The following JRKL variants were observed in gnomAD, a reference collection of about 807,000 sequenced individuals.
The protein encoded by JRKL is JRK like, also known as jerky protein homolog-like.
Under a neutral mutation model 34.7 loss-of-function variants are expected in JRKL, and 25 were observed. That is an observed-to-expected ratio of 0.72 (90% CI 0.53 to 1.01). JRKL has a LOEUF of 1.01. Among genes scored for constraint, JRKL ranks in the 50% least tolerant of loss-of-function variants. The probability of loss-of-function intolerance (pLI) is 0.00; values close to 1 mark genes in which losing one functional copy is unlikely to be tolerated. For synonymous variants in JRKL, 204 were observed against 212.8 expected, an observed-to-expected ratio of 0.96 and a Z score of 0.36; for missense variants, 495 against 615.7, an observed-to-expected ratio of 0.80 and a Z score of 2.07.
In JRKL at chr11:96,391,369, T is replaced by G. The variant is rs1404328662; in HGVS notation, c.720T>G (p.Thr240=). 6.4e-7 allele frequency: 1 copy of G among 1,551,692 alleles called. No individual in the cohort carries two copies. The highest frequency in any genetic ancestry group is 1.4e-5 in the African/African-American group (1 of 73,168). Residue 240 remains threonine (T), a synonymous_variant, in exon 2 of 2, where the codon ACT becomes ACG. Coordinates refer to ENST00000332349, the MANE Select transcript of JRKL (RefSeq NM_001261833.2). ...AGAAACCTCGCTCCTTTAAATCAAC[T>G]GACACCTTAAACCTGCCAGTCTCTT... ...KAKKPRSFKS[T]DTLNLPVSYF...
rs1244407199 is a variant in JRKL at position 96,392,634 on chromosome 11, G to T, written c.*410G>T. 5 of 169,440 alleles carry T rather than the reference G, an allele frequency of 3.0e-5. No individual in the cohort carries two copies. Among genetic ancestry groups the T allele is most frequent in the African/African-American group, 1.2e-4 (5 of 41,402 alleles). The allele number at this position is 169,440 out of a possible 1,614,324, so 10.5% of individuals were successfully genotyped here. On this transcript the variant is annotated 3_prime_UTR_variant, in exon 2 of 2. Transcript: ENST00000332349. ...TGTTAACCATCTTAAATGATGTTTTGTATATTTTAATAGACTGATAGGATG... is the reference window on the plus strand; with the variant it reads ...TGTTAACCATCTTAAATGATGTTTTTTATATTTTAATAGACTGATAGGATG...
chr11:96,390,776 C>A lies in JRKL; in HGVS notation c.127C>A (p.Arg43=), dbSNP rs1293799974. 2.5e-6 allele frequency: 4 copies of A among 1,613,520 alleles called. No homozygotes were observed. Among genetic ancestry groups the A allele is most frequent in the East Asian group, 2.2e-5 (1 of 44,884 alleles). ...VIYGIGETTV[R]DIRKNKEKII... ...TTATGGAATTGGTGAAACAACAGTT[C>A]GGGATATAAGAAAAAATAAGGAAAA... Residue 43 remains arginine (R), a synonymous_variant, in exon 2 of 2, where the codon CGG becomes AGG. Coordinates refer to ENST00000332349, the MANE Select transcript of JRKL (RefSeq NM_001261833.2).
Position 96,391,905 on chromosome 11 carries a change from G to A in JRKL, c.1256G>A (p.Gly419Glu). 4 of 1,614,190 alleles carry A rather than the reference G, an allele frequency of 2.5e-6. No homozygotes were observed. Among genetic ancestry groups the A allele is most frequent in the Non-Finnish European group, 3.4e-6 (4 of 1,180,028 alleles). The change falls in exon 2 of 2, where the codon GGA becomes GAA. Residue 419 changes from glycine to glutamate, a missense_variant. Transcript: ENST00000332349. ...TVAAILQHTK[G>E]LENVTTENLE... ...GCTGCCATTTTACAACACACCAAAG[G>A]ATTGGAAAATGTGACTACTGAGAAC... is the stretch of plus-strand genomic sequence containing the variant.
Position 96,391,666 on chromosome 11 carries a change from T to G in JRKL, c.1017T>G (p.Arg339=), listed in dbSNP as rs771821922. The part of the protein sequence containing the change: ...GVIATMKRNY[R]AGLLQNNLEE... Reference sequence around the variant, plus strand: ...TAGCAACGATGAAGAGAAATTATCGTGCAGGTCTTCTCCAGAACAACTTGG... The same window carrying G: ...TAGCAACGATGAAGAGAAATTATCGGGCAGGTCTTCTCCAGAACAACTTGG... Residue 339 remains arginine, a synonymous_variant, in exon 2 of 2, where the codon CGT becomes CGG. Coordinates refer to ENST00000332349, the MANE Select transcript of JRKL (RefSeq NM_001261833.2). The G allele has an allele frequency of 3.1e-6, 5 of 1,614,176 alleles. No individual in the cohort carries two copies. The highest frequency in any genetic ancestry group is 4.2e-6 in the Non-Finnish European group (5 of 1,180,020).
In JRKL at chr11:96,392,271, CTT is replaced by C. The variant is rs10545425; in HGVS notation, c.*49_*50del. 565,724 of 1,496,234 alleles carry C rather than the reference CTT, an allele frequency of 0.38. 108,514 individuals are homozygous for C. Among genetic ancestry groups the C allele is most frequent in the Middle Eastern group, 0.42 (1,793 of 4,220 alleles). The allele number at this position is 1,496,234 out of a possible 1,614,324, so 92.7% of individuals were successfully genotyped here. A position where few individuals can be genotyped will look rare whatever the true frequency, so the allele number is the denominator to read the frequency against. ...CTGCTCATTGTGTTTGTGACAAACT[CTT>C]TGCAATATGGCTTAATTTTCTTTGT... On this transcript the variant is annotated 3_prime_UTR_variant, in exon 2 of 2. Coordinates refer to ENST00000332349, the MANE Select transcript of JRKL (RefSeq NM_001261833.2).
rs780307235 is a variant in JRKL, at chr11:96,390,694, GCTTGATATAATAAAGAAA to G, written c.51_68del (p.Asp17_Leu22del). The G allele has an allele frequency of 1.2e-6, 2 of 1,602,816 alleles. No homozygotes were observed. Among genetic ancestry groups the G allele is most frequent in the East Asian group, 4.5e-5 (2 of 44,842 alleles). ...GTGTGGTGTTGACTATTAAAGATAA[GCTTGATATAATAAAGAAA>G]CTTGAAGACGGAGGTTCTTCCAAAC... On this transcript the variant is annotated inframe_deletion, in exon 2 of 2. Coordinates refer to ENST00000332349, the MANE Select transcript of JRKL (RefSeq NM_001261833.2).
rs1647639968 is a variant in JRKL at position 96,390,531 on chromosome 11, T to C, written c.-119T>C. 2 of 1,316,172 alleles carry C rather than the reference T, an allele frequency of 1.5e-6. No individual in the cohort carries two copies. Among genetic ancestry groups the C allele is most frequent in the South Asian group, 3.4e-5 (2 of 58,630 alleles). 81.5% of individuals were successfully genotyped at this position (1,316,172 alleles called of 1,614,324 possible). On this transcript the variant is annotated 5_prime_UTR_variant, in exon 2 of 2. Coordinates refer to ENST00000332349, the MANE Select transcript of JRKL (RefSeq NM_001261833.2). Reference sequence around the variant, plus strand: ...CCGGGAGGGGATCAGGGCCACCAGGTTGCTGGTAAGGATGAAAGACTGAGT... The same window carrying C: ...CCGGGAGGGGATCAGGGCCACCAGGCTGCTGGTAAGGATGAAAGACTGAGT...
At position 96,391,101 on chromosome 11, in the gene JRKL, C is replaced by T. The variant is rs754087245; in HGVS notation, c.452C>T (p.Ala151Val). ...GAAAGATTAAATGGAGATGAGACTG[C>T]GGTGGAAGATTTTTGTAATAACTTT... ...RNERLNGDET[A>V]VEDFCNNFRD... The change falls in exon 2 of 2, where the codon GCG (alanine) becomes GTG (valine). Residue 151 changes from alanine to valine, a missense_variant. Transcript: ENST00000332349. The T allele has an allele frequency of 6.8e-6, 11 of 1,613,792 alleles. No individual in the cohort carries two copies. In the African/African-American group the frequency reaches 9.4e-5, roughly 14 times the overall value.
chr11:96,392,288 A>G lies in JRKL; in HGVS notation c.*64A>G. 6.8e-7 allele frequency: 1 copy of G among 1,475,006 alleles called. No individual in the cohort carries two copies. Among genetic ancestry groups the G allele is most frequent in the East Asian group, 2.4e-5 (1 of 41,504 alleles). The allele number at this position is 1,475,006 out of a possible 1,614,324, so 91.4% of individuals were successfully genotyped here. On this transcript the variant is annotated 3_prime_UTR_variant, in exon 2 of 2. Transcript: ENST00000332349. ...GACAAACTCTTTGCAATATGGCTTA[A>G]TTTTCTTTGTGTTCTGAATTCTCAG...
In JRKL at chr11:96,393,124, GTTTTTT is replaced by G. The variant is rs201157332; in HGVS notation, c.*914_*919del. On this transcript the variant is annotated 3_prime_UTR_variant, in exon 2 of 2. Coordinates refer to ENST00000332349, the MANE Select transcript of JRKL (RefSeq NM_001261833.2). ...ATCTTGGGAATTTGAGATTTAATAA[GTTTTTT>G]TTTTTTTTTTTTTAGTGTTTTTACT... The G allele has an allele frequency of 7.2e-6, 1 of 138,944 alleles. No individual in the cohort carries two copies. The highest frequency in any genetic ancestry group is 2.9e-5 in the African/African-American group (1 of 34,988). 8.6% of individuals were successfully genotyped at this position (138,944 alleles called of 1,614,324 possible). A position where few individuals can be genotyped will look rare whatever the true frequency, so the allele number is the denominator to read the frequency against.
In JRKL at chr11:96,393,422, G is replaced by C. The variant is rs563633066; in HGVS notation, c.*1198G>C. On this transcript the variant is annotated 3_prime_UTR_variant, in exon 2 of 2. Coordinates refer to ENST00000332349, the MANE Select transcript of JRKL (RefSeq NM_001261833.2). ...TTGATAAATTTTTTTTGTAAACTAA[G>C]TATGTTTATTCAAGACATTGAAACT... Among the ~76,000 whole-genome samples, 1 of 151,856 alleles carries C rather than the reference G, an allele frequency of 6.6e-6. No individual in the cohort carries two copies. The highest frequency in any genetic ancestry group is 1.9e-4 in the East Asian group (1 of 5,192).
chr11:96,392,226 G>T lies in JRKL; in HGVS notation c.*2G>T. ...AAGATGACAAAGTCAAGTCAATAAT[G>T]TCATTTCAATTTTATTGTTCTGCTC... On this transcript the variant is annotated 3_prime_UTR_variant, in exon 2 of 2. Coordinates refer to ENST00000332349, the MANE Select transcript of JRKL (RefSeq NM_001261833.2). The T allele has an allele frequency of 6.4e-7, 1 of 1,558,458 alleles. No homozygotes were observed.
chr11:96,390,595 A>G lies in JRKL; in HGVS notation c.-55A>G. Reference sequence around the variant, plus strand: ...TGAAGTGAGCCTGTGTAAGAGAAGGAAGGATTTTGTGGATTGCTACATTGT... The same window carrying G: ...TGAAGTGAGCCTGTGTAAGAGAAGGGAGGATTTTGTGGATTGCTACATTGT... On this transcript the variant is annotated 5_prime_UTR_variant, in exon 2 of 2. Coordinates refer to ENST00000332349, the MANE Select transcript of JRKL (RefSeq NM_001261833.2). 5 of 1,530,950 alleles carry G rather than the reference A, an allele frequency of 3.3e-6. No individual in the cohort carries two copies. The highest frequency in any genetic ancestry group is 1.9e-4 in the Middle Eastern group (1 of 5,292). The allele number at this position is 1,530,950 out of a possible 1,614,324, so 94.8% of individuals were successfully genotyped here.
In JRKL at chr11:96,390,500, C is replaced by T; in HGVS notation, c.-150C>T. The T allele has an allele frequency of 1.1e-6, 1 of 946,900 alleles. No individual in the cohort carries two copies. Among genetic ancestry groups the T allele is most frequent in the South Asian group, 2.2e-5 (1 of 44,998 alleles). 58.7% of individuals were successfully genotyped at this position (946,900 alleles called of 1,614,324 possible). On this transcript the variant is annotated 5_prime_UTR_variant, in exon 2 of 2. Coordinates refer to ENST00000332349, the MANE Select transcript of JRKL (RefSeq NM_001261833.2). ...TTCTGCAGTCTATTTGCCAGCCAAC[C>T]CCAGCCCGGGAGGGGATCAGGGCCA...
In JRKL at chr11:96,390,589, A is replaced by C; in HGVS notation, c.-61A>C. On this transcript the variant is annotated 5_prime_UTR_variant, in exon 2 of 2. Coordinates refer to ENST00000332349, the MANE Select transcript of JRKL (RefSeq NM_001261833.2). ...GACTGTTGAAGTGAGCCTGTGTAAG[A>C]GAAGGAAGGATTTTGTGGATTGCTA... 1 of 1,529,214 alleles carries C rather than the reference A, an allele frequency of 6.5e-7. No individual in the cohort carries two copies. The highest frequency in any genetic ancestry group is 1.4e-5 in the South Asian group (1 of 74,038). 94.7% of individuals were successfully genotyped at this position (1,529,214 alleles called of 1,614,324 possible).
At position 96,392,234 on chromosome 11, in the gene JRKL, A is replaced by G. The variant is rs1291780354; in HGVS notation, c.*10A>G. The G allele has an allele frequency of 6.4e-7, 1 of 1,551,286 alleles. No individual in the cohort carries two copies. Among genetic ancestry groups the G allele is most frequent in the Non-Finnish European group, 8.7e-7 (1 of 1,152,084 alleles). On this transcript the variant is annotated 3_prime_UTR_variant, in exon 2 of 2. Coordinates refer to ENST00000332349, the MANE Select transcript of JRKL (RefSeq NM_001261833.2). ...AAAGTCAAGTCAATAATGTCATTTCAATTTTATTGTTCTGCTCATTGTGTT... is the reference window on the plus strand; with the variant it reads ...AAAGTCAAGTCAATAATGTCATTTCGATTTTATTGTTCTGCTCATTGTGTT...
Position 96,391,348 on chromosome 11 carries a change from A to T in JRKL, c.699A>T (p.Lys233Asn). ...LKLCVVGKAK[K>N]PRSFKSTDTL... is the part of the protein sequence containing the mutation. ...TTTGTGTTGTGGGGAAAGCAAAGAA[A>T]CCTCGCTCCTTTAAATCAACTGACA... The change falls in exon 2 of 2, where the codon AAA (lysine) becomes AAT (asparagine). Residue 233 changes from lysine (K) to asparagine (N), a missense_variant. By Grantham distance (94) the Lys-to-Asn change is moderately conservative (BLOSUM62 0). Transcript: ENST00000332349. 6.4e-7 allele frequency: 1 copy of T among 1,551,460 alleles called. No individual in the cohort carries two copies. The highest frequency in any genetic ancestry group is 2.4e-5 in the East Asian group (1 of 40,926).
intron 1 of JRKL, 149 bp from the exon 2 acceptor site, chr11:96,390,334 G>C: frequency 4.2e-6 from 1 of 239,266 alleles, no homozygotes; most frequent in Non-Finnish European, 8.2e-6. Context: ...CACAATGGGG[G>C]TATAGTCTTT....
Position 96,392,100 on chromosome 11 carries a change from G to A in JRKL, c.1451G>A (p.Trp484Ter), listed in dbSNP as rs780288748. ...KHINHAAALQ[W>*]TENLLDYLEQ... ...ATTAATCATGCAGCTGCCCTCCAGT[G>A]GACTGAAAATTTATTGGATTATCTA... The change falls in exon 2 of 2, where the codon TGG becomes TAG. Residue 484 changes from tryptophan (W) to a stop codon, truncating the protein, a stop_gained. Transcript: ENST00000332349. LOFTEE classifies it high-confidence loss of function. 6.2e-7 allele frequency: 1 copy of A among 1,613,900 alleles called. No homozygotes were observed. The highest frequency in any genetic ancestry group is 8.5e-7 in the Non-Finnish European group (1 of 1,179,906).
Sources: gnomAD v4.1 joint callset for allele counts (sites outside exome capture counted in the v4.1 genomes callset) on GRCh38, gnomAD v4.1.1 for gene constraint, MANE v1.5 for transcripts, NCBI Gene and HGNC (gene_info 2026-07-23, HGNC 2026-07-21) for gene names.